Variants in COL24A1 observed in about 807,000 individuals in gnomAD.
COL24A1 encodes the protein collagen alpha-1(XXIV) chain.
A neutral mutation model predicts 253.9 loss-of-function variants in COL24A1; 224 were observed. That is an observed-to-expected ratio of 0.88 (90% CI 0.79 to 0.99). The LOEUF (loss-of-function observed/expected upper bound fraction) is 0.99. Among genes scored for constraint, COL24A1 ranks in the 50% least tolerant of loss-of-function variants. The pLI is 0.00. For missense variants in COL24A1, 2,131 were observed against 2,068.5 expected (o/e 1.03, Z -0.59); for synonymous variants, 685 against 673.7 (o/e 1.02, Z -0.26).
intron 57 of COL24A1, among the ~76,000 whole-genome samples, chr1:85,740,864 C>G (rs1281347680): frequency 1.4e-5 from 2 of 147,590 alleles, no homozygotes; most frequent in Non-Finnish European, 3.0e-5. Flanking sequence ...AATCCCAGCA[C>G]TTTGGGAGGC....
intron 20 of COL24A1, among the ~76,000 whole-genome samples, chr1:85,971,638 T>C (rs1692179348): frequency 6.6e-6 from 1 of 152,184 alleles, no homozygotes; most frequent in Admixed American, 6.5e-5. Context: ...TTCTTCAACC[T>C]CCAGACACCT....
intron 24 of COL24A1, among the ~76,000 whole-genome samples, chr1:85,926,601 G>A (rs1030887989): frequency 1.3e-5 from 2 of 152,042 alleles, no homozygotes. Context: ...CTCACTCATA[G>A]GTGGGAATTG....
intron 19 of COL24A1, among the ~76,000 whole-genome samples, chr1:85,995,555 A>T (rs1189141520): frequency 6.6e-6 from 1 of 152,234 alleles, no homozygotes; most frequent in African/African-American, 2.4e-5. Context: ...AGTGACAAAA[A>T]GCAGATCCCC....
rs367855830 is a variant in COL24A1 at position 86,063,711 on chromosome 1, C to T, written c.1752+4G>A. On this transcript the variant is annotated splice_donor_region_variant and intron_variant, in intron 8 of 59. Coordinates refer to ENST00000370571, the MANE Select transcript of COL24A1 (RefSeq NM_152890.7). ...GATACAAGTCTTATAAAGGAAGTAC[C>T]TACTTGTTCACCTGGAAGTCCTGGG... 6.5e-7 allele frequency: 1 copy of T among 1,545,114 alleles called. No homozygotes were observed.
chr1:86,144,578 G>T (rs1651613496), intron 2 of COL24A1, among the ~76,000 whole-genome samples: 1 of 152,024 alleles, frequency 6.6e-6, no homozygotes, highest in African/African-American at 2.4e-5. Context: ...TATATGTAAA[G>T]TACCAGCAAA....
chr1:85,993,075 AT>A (rs555495034), intron 19 of COL24A1, among the ~76,000 whole-genome samples: 32 of 150,012 alleles, frequency 2.1e-4, no homozygotes, highest in South Asian at 4.2e-4. Flanking sequence ...ATTCACATGC[AT>A]TTTTTTTTTA....
chr1:85,952,602 T>A (rs1307876055), intron 24 of COL24A1, among the ~76,000 whole-genome samples: 1 of 152,218 alleles, frequency 6.6e-6, no homozygotes, highest in Admixed American at 6.5e-5. Flanking sequence ...AAATAAAGTA[T>A]AACCTTCCAG....
chr1:85,896,441 T>C (rs1337299296), intron 28 of COL24A1, 32 bp from the exon 29 acceptor site: 1 of 1,572,338 alleles, frequency 6.4e-7, no homozygotes, highest in Non-Finnish European at 8.7e-7. Flanking sequence ...TGTTGTTAAT[T>C]TGAAATGTTC....
intron 28 of COL24A1, among the ~76,000 whole-genome samples, chr1:85,906,431 G>T (rs936477136): frequency 1.3e-5 from 2 of 151,546 alleles, no homozygotes; most frequent in African/African-American, 2.4e-5. Context: ...ATTCCATATG[G>T]TATTGAATAG....
chr1:86,088,255 C>A (rs1049411651), intron 7 of COL24A1, among the ~76,000 whole-genome samples: 3 of 152,126 alleles, frequency 2.0e-5, no homozygotes, highest in Non-Finnish European at 4.4e-5. Context: ...TTGAACGAAG[C>A]AACCAGGGCC....
chr1:86,103,537 G>C (rs1309014313), intron 5 of COL24A1, among the ~76,000 whole-genome samples: 4 of 152,086 alleles, frequency 2.6e-5, no homozygotes, highest in Non-Finnish European at 4.4e-5. Flanking sequence ...TCCATATTTA[G>C]TGTTTCCTTC....
intron 18 of COL24A1, among the ~76,000 whole-genome samples, chr1:86,020,157 T>C (rs1697387208): frequency 7.4e-6 from 1 of 135,834 alleles, no homozygotes; most frequent in Admixed American, 8.1e-5. Flanking sequence ...AACCTCTGCC[T>C]TCTGGATTCA....
At chr1:85,760,938 A>G (rs1666787437) in intron 55 of COL24A1, among the ~76,000 whole-genome samples, 1 of 152,210 alleles carries the variant, frequency 6.6e-6, no homozygotes, top group South Asian at 2.1e-4. Context: ...TAGTTAGATA[A>G]TAAGCAAACA....
chr1:85,843,212 A>G (rs1296704252), intron 39 of COL24A1, among the ~76,000 whole-genome samples: 1 of 152,164 alleles, frequency 6.6e-6, no homozygotes, highest in Non-Finnish European at 1.5e-5. Context: ...CCATTTAATC[A>G]TAGTGCTTCA....
intron 19 of COL24A1, among the ~76,000 whole-genome samples, chr1:86,002,236 T>C (rs568986789): frequency 6.6e-5 from 10 of 152,304 alleles, no homozygotes; most frequent in African/African-American, 2.2e-4. Context: ...AGTGCCACCA[T>C]TAAAAACCTA....
intron 28 of COL24A1, 141 bp from the exon 29 acceptor site, chr1:85,896,550 C>CACT (rs955316596): frequency 1.5e-6 from 1 of 661,532 alleles, no homozygotes; most frequent in African/African-American, 1.8e-5. Flanking sequence ...GGCTGGAGTG[C>CACT]AGTGGCGCGT....
intron 37 of COL24A1, among the ~76,000 whole-genome samples, chr1:85,849,843 A>G (rs1164109274): frequency 1.3e-5 from 2 of 152,226 alleles, no homozygotes; most frequent in Non-Finnish European, 2.9e-5. Flanking sequence ...TGGAAAGTAC[A>G]GGACTTCTGC....
intron 19 of COL24A1, among the ~76,000 whole-genome samples, chr1:86,012,504 G>A (rs1169072500): frequency 8.5e-5 from 13 of 152,136 alleles, no homozygotes; most frequent in Non-Finnish European, 1.9e-4. Context: ...CAGGAGAATT[G>A]CTTGAACCCA....
At chr1:86,153,057 T>A (rs1377243565) in intron 1 of COL24A1, among the ~76,000 whole-genome samples, 2 of 152,182 alleles carry the variant, frequency 1.3e-5, no homozygotes, top group East Asian at 3.9e-4. Context: ...CCAACTTCAT[T>A]TCTTTCAGGC....
Sources: allele counts gnomAD v4.1 joint callset (sites outside exome capture counted in the v4.1 genomes callset), GRCh38; gene constraint gnomAD v4.1.1; transcripts MANE v1.5; gene names NCBI Gene and HGNC (gene_info 2026-07-23, HGNC 2026-07-21).